R3HCC1L: variants seen among roughly 807,000 people sequenced by gnomAD.
R3HCC1L encodes the protein R3H domain and coiled-coil containing 1 like.
A neutral mutation model predicts 59.9 loss-of-function variants in R3HCC1L; 51 were observed. That is an observed-to-expected ratio of 0.85 (90% CI 0.68 to 1.07). R3HCC1L has a LOEUF of 1.07. R3HCC1L is among the 50% of genes least tolerant of loss of function. The pLI is 0.00. For synonymous variants in R3HCC1L, 322 were observed against 315.2 expected (o/e 1.02, Z -0.23); for missense variants, 965 against 933.0 (o/e 1.03, Z -0.45).
chr10:98,212,951 T>C (rs1853758317), intron 5 of R3HCC1L, among the ~76,000 whole-genome samples: 1 of 152,144 alleles, frequency 6.6e-6, no homozygotes, highest in African/African-American at 2.4e-5. Flanking sequence ...TATAATAGTA[T>C]GTAGACCATA....
chr10:98,222,491 A>G (rs1417869917), intron 5 of R3HCC1L, among the ~76,000 whole-genome samples: 1 of 151,998 alleles, frequency 6.6e-6, no homozygotes, highest in Non-Finnish European at 1.5e-5. Flanking sequence ...GTTTTTGCCC[A>G]TTCAGTATGA....
intron 4 of R3HCC1L, among the ~76,000 whole-genome samples, chr10:98,194,007 A>G (rs1376914512): frequency 2.6e-5 from 4 of 152,136 alleles, no homozygotes; most frequent in Non-Finnish European, 5.9e-5. Context: ...TGGAATCTCA[A>G]AGGAGCCCAA....
chr10:98,206,597 C>A (rs1852697413), intron 4 of R3HCC1L, among the ~76,000 whole-genome samples: 1 of 14,998 alleles, frequency 6.7e-5, no homozygotes, highest in South Asian at 0.019. Flanking sequence ...TCATTTCTAC[C>A]CATTATTATT....
In R3HCC1L at chr10:98,208,546, G is replaced by A. The variant is rs777227073; in HGVS notation, c.432G>A (p.Lys144=). 3 of 1,614,028 alleles carry A rather than the reference G, an allele frequency of 1.9e-6. No individual in the cohort carries two copies. The African/African-American group carries it at 4.0e-5, about 22-fold the overall frequency. ...APLQRHFKPK[K]VECLEVETTD... ...TGCAGAGACATTTTAAACCAAAGAA[G>A]GTGGAGTGTTTGGAAGTTGAAACTA... Residue 144 remains lysine, a synonymous_variant, in exon 5 of 10, where the codon AAG becomes AAA. Transcript: ENST00000298999.
chr10:98,237,241 A>T (rs1254455502), intron 9 of R3HCC1L, among the ~76,000 whole-genome samples: 3 of 152,356 alleles, frequency 2.0e-5, no homozygotes, highest in African/African-American at 7.2e-5. Flanking sequence ...AGACTATAGA[A>T]ACATAACCGG....
At chr10:98,163,480 C>T in intron 4 of R3HCC1L, 83 bp downstream of exon 4, 1 of 913,310 alleles carries the variant, frequency 1.1e-6, no homozygotes, top group Non-Finnish European at 1.5e-6. Flanking sequence ...TTTGTTTCTT[C>T]AGTTATCATT....
chr10:98,206,682 C>T (rs1275359067), intron 4 of R3HCC1L, among the ~76,000 whole-genome samples: 1 of 152,034 alleles, frequency 6.6e-6, no homozygotes, highest in Non-Finnish European at 1.5e-5. Flanking sequence ...CATTTTATAT[C>T]CAGAAGTTCA....
chr10:98,163,227 C>T (rs1847616063), intron 3 of R3HCC1L, 66 bp from the exon 4 acceptor site: 1 of 401,470 alleles, frequency 2.5e-6, no homozygotes, highest in Non-Finnish European at 4.5e-6. Flanking sequence ...AGTTAAGTGC[C>T]TAGACAGGTG....
At position 98,209,549 on chromosome 10, in the gene R3HCC1L, G is replaced by A. The variant is rs756856068; in HGVS notation, c.1435G>A (p.Ala479Thr). The A allele has an allele frequency of 6.2e-7, 1 of 1,613,724 alleles. No homozygotes were observed. The highest frequency in any genetic ancestry group is 1.7e-5 in the Admixed American group (1 of 59,960). The change falls in exon 5 of 10, where the codon GCT (alanine) becomes ACT (threonine). Residue 479 changes from alanine (A) to threonine (T), a missense_variant. Physicochemically the swap from Ala to Thr is moderately conservative, Grantham distance 58. Coordinates refer to ENST00000298999, the MANE Select transcript of R3HCC1L (RefSeq NM_001351015.2). Reference sequence around the variant, plus strand: ...TTCCTCCTTACCTATAAAAAAGATTGCTGGTAGTAATTATAACACTTTTTT... The same window carrying A: ...TTCCTCCTTACCTATAAAAAAGATTACTGGTAGTAATTATAACACTTTTTT... ...CASSLPIKKI[A>T]GSNYNTFLDS...
chr10:98,154,810 A>G (rs946453346), intron 1 of R3HCC1L, among the ~76,000 whole-genome samples: 1 of 152,236 alleles, frequency 6.6e-6, no homozygotes, highest in Non-Finnish European at 1.5e-5. Context: ...TTACTGAACT[A>G]TGAGTACAAA....
In R3HCC1L at chr10:98,208,399, C is replaced by G; in HGVS notation, c.285C>G (p.Asp95Glu). The G allele has an allele frequency of 6.2e-7, 1 of 1,613,830 alleles. No homozygotes were observed. The highest frequency in any genetic ancestry group is 8.5e-7 in the Non-Finnish European group (1 of 1,179,968). The change falls in exon 5 of 10, where the codon GAC (aspartate) becomes GAG (glutamate). Residue 95 changes from aspartate (D) to glutamate (E), a missense_variant. Coordinates refer to ENST00000298999, the MANE Select transcript of R3HCC1L (RefSeq NM_001351015.2). The stretch of plus-strand genomic sequence containing the variant: ...AATCTTCAACAAAATTAAGAATGGA[C>G]ACATGCCTTCAAAAAACAAATAGAG... Reference protein sequence around the residue: ...EKKSSTKLRMDTCLQKTNRVC... With the variant: ...EKKSSTKLRMETCLQKTNRVC...
intron 4 of R3HCC1L, among the ~76,000 whole-genome samples, chr10:98,185,872 C>T (rs970923941): frequency 2.0e-5 from 3 of 152,154 alleles, no homozygotes; most frequent in East Asian, 3.9e-4. Flanking sequence ...GTTACCAAGA[C>T]TAGTTAGATA....
intron 5 of R3HCC1L, chr10:98,230,963 T>C (rs1333571425): frequency 2.6e-6 from 1 of 379,634 alleles, no homozygotes. Context: ...TAAGTATAAC[T>C]ACTTGTACCA....
chr10:98,172,949 G>C (rs908460148), intron 4 of R3HCC1L, among the ~76,000 whole-genome samples: 2 of 152,126 alleles, frequency 1.3e-5, no homozygotes, highest in African/African-American at 4.8e-5. Flanking sequence ...AACACTCTGG[G>C]TACTTACAGT....
At chr10:98,198,679 TAAAA>T (rs924705662) in intron 4 of R3HCC1L, among the ~76,000 whole-genome samples, 3 of 152,110 alleles carry the variant, frequency 2.0e-5, no homozygotes, top group Non-Finnish European at 4.4e-5. Context: ...TTGGATCCTT[TAAAA>T]AAATCATTAT....
chr10:98,219,451 A>G (rs994770099), intron 5 of R3HCC1L, among the ~76,000 whole-genome samples: 1 of 152,144 alleles, frequency 6.6e-6, no homozygotes, highest in African/African-American at 2.4e-5. Context: ...ATGGTTCCTT[A>G]TTGATAGGTA....
At chr10:98,182,092 G>A (rs764114761) in intron 4 of R3HCC1L, among the ~76,000 whole-genome samples, 11 of 152,092 alleles carry the variant, frequency 7.2e-5, no homozygotes, top group East Asian at 1.9e-4. Context: ...GAGAAGCAGC[G>A]CTCTGGTTTT....
chr10:98,212,939 T>G (rs1335387053), intron 5 of R3HCC1L, among the ~76,000 whole-genome samples: 1 of 152,172 alleles, frequency 6.6e-6, no homozygotes, highest in South Asian at 2.1e-4. Flanking sequence ...ACCACCATAT[T>G]CTATAATAGT....
chr10:98,162,016 A>AT (rs1847463126), intron 2 of R3HCC1L, among the ~76,000 whole-genome samples: 1 of 152,090 alleles, frequency 6.6e-6, no homozygotes, highest in Admixed American at 6.6e-5. Flanking sequence ...AGAACAAAGA[A>AT]TATCTTTCCA....
Sources: gnomAD v4.1 joint callset for allele counts (sites outside exome capture counted in the v4.1 genomes callset) on GRCh38, gnomAD v4.1.1 for gene constraint, MANE v1.5 for transcripts, NCBI Gene and HGNC (gene_info 2026-07-23, HGNC 2026-07-21) for gene names.